SRGAP2C: variants seen among roughly 807,000 people sequenced by gnomAD.
The protein encoded by SRGAP2C is SLIT-ROBO Rho GTPase activating protein 2C.
SRGAP2C carries 15 observed loss-of-function variants against 25.1 expected under a neutral mutation model. The observed-to-expected ratio is 0.60, with a 90% CI of 0.40 to 0.92. The LOEUF is 0.92. Ranked by LOEUF, SRGAP2C falls within the 40% of genes least tolerant of loss-of-function variation. The probability of loss-of-function intolerance (pLI) is 0.00; values close to 1 mark genes in which losing one functional copy is unlikely to be tolerated. For synonymous variants in SRGAP2C, 44 were observed against 96.6 expected, an observed-to-expected ratio of 0.46 and a Z score of 3.19; for missense variants, 144 against 264.4, an observed-to-expected ratio of 0.54 and a Z score of 3.16.
chr1:121,258,272 G>A (rs1386048452), intron 2 of SRGAP2C, among the ~76,000 whole-genome samples: 3 of 151,694 alleles, frequency 2.0e-5, no homozygotes, highest in Admixed American at 6.6e-5. Flanking sequence ...AAACTGAGGA[G>A]TAGATGGATG....
chr1:121,275,713 A>G (rs1553336054), intron 2 of SRGAP2C, among the ~76,000 whole-genome samples: 1 of 150,592 alleles, frequency 6.6e-6, no homozygotes, highest in Non-Finnish European at 1.5e-5. Flanking sequence ...TGGAAAGTTA[A>G]TGGATGACTG....
chr1:121,315,647 A>G (rs1178033507), intron 3 of SRGAP2C, among the ~76,000 whole-genome samples: 41 of 146,876 alleles, frequency 2.8e-4, no homozygotes, highest in African/African-American at 9.9e-4. Flanking sequence ...AAATTTGGTC[A>G]TTCAGTAGCC....
intron 2 of SRGAP2C, among the ~76,000 whole-genome samples, chr1:121,265,278 C>G (rs1284517995): frequency 1.2e-4 from 14 of 114,748 alleles, no homozygotes; most frequent in Non-Finnish European, 2.3e-4. Flanking sequence ...AATGTCATTA[C>G]TTTTATAGAC....
At chr1:121,329,932 T>C in intron 4 of SRGAP2C, among the ~76,000 whole-genome samples, 1 of 151,624 alleles carries the variant, frequency 6.6e-6, no homozygotes, top group East Asian at 1.9e-4. Flanking sequence ...CTGTCTAACC[T>C]CTGTTGGAAC....
At chr1:121,230,955 TG>T (rs2101469822) in intron 2 of SRGAP2C, among the ~76,000 whole-genome samples, 1 of 140,424 alleles carries the variant, frequency 7.1e-6, no homozygotes, top group South Asian at 2.5e-4. Context: ...AAACACCGCA[TG>T]TTCTCACTCA....
At chr1:121,191,031 A>T (rs1453359095) in intron 2 of SRGAP2C, among the ~76,000 whole-genome samples, 12 of 152,040 alleles carry the variant, frequency 7.9e-5, no homozygotes, top group Non-Finnish European at 1.8e-4. Flanking sequence ...CTTCTTAAAA[A>T]CCATCATTGT....
rs1411072272 is a variant in SRGAP2C, at chr1:121,324,503, G to T, written c.286G>T (p.Val96Phe). Residue 96 changes from valine (V) to phenylalanine (F), a missense_variant, in exon 4 of 10, where the codon GTC becomes TTC. Physicochemically the swap from Val to Phe is conservative, Grantham distance 50 (BLOSUM62 -1). Coordinates refer to ENST00000367123, the MANE Select transcript of SRGAP2C (RefSeq NM_001329984.2). ...FKKDQNVLSP[V>F]NCWNLLLNQV... is the part of the protein sequence containing the mutation. ...GAAGGATCAGAATGTTCTCTCTCCA[G>T]TCAACTGCTGGAATCTCCTCTTAAA... The T allele has an allele frequency of 1.1e-5, 17 of 1,613,348 alleles. No individual in the cohort carries two copies. The highest frequency in any genetic ancestry group is 1.1e-5 in the Non-Finnish European group (13 of 1,179,384).
intron 2 of SRGAP2C, among the ~76,000 whole-genome samples, chr1:121,213,760 G>T (rs61803065): frequency 1.8e-4 from 13 of 74,024 alleles, no homozygotes; most frequent in South Asian, 3.3e-4. Flanking sequence ...CTGAAGCAAG[G>T]AGAAAGAACA....
intron 3 of SRGAP2C, among the ~76,000 whole-genome samples, chr1:121,298,181 T>C (rs1269901002): frequency 6.9e-6 from 1 of 144,536 alleles, no homozygotes; most frequent in Non-Finnish European, 1.5e-5. Context: ...AACTCAGCAA[T>C]TGTATGTTTT....
intron 3 of SRGAP2C, among the ~76,000 whole-genome samples, chr1:121,295,515 G>T (rs1466330685): frequency 6.6e-5 from 10 of 151,750 alleles, no homozygotes; most frequent in African/African-American, 1.9e-4. Context: ...CCAGACACAT[G>T]CCAGATACCC....
At chr1:121,350,436 G>A (rs1658872004) in intron 4 of SRGAP2C, among the ~76,000 whole-genome samples, 2 of 149,682 alleles carry the variant, frequency 1.3e-5, no homozygotes, top group South Asian at 4.3e-4. Flanking sequence ...TTAGGCCTAT[G>A]AGGAAATAAG....
At chr1:121,327,862 A>G (rs1658348344) in intron 4 of SRGAP2C, among the ~76,000 whole-genome samples, 1 of 152,038 alleles carries the variant, frequency 6.6e-6, no homozygotes, top group South Asian at 2.1e-4. Flanking sequence ...TCTGCTCTTA[A>G]CTCTGAGACC....
chr1:121,215,790 G>GA (rs1349631236), intron 2 of SRGAP2C, among the ~76,000 whole-genome samples: 1 of 123,732 alleles, frequency 8.1e-6, no homozygotes, highest in East Asian at 2.4e-4. Context: ...GCTGAAGGGG[G>GA]AAAAAATCAC....
chr1:121,255,458 C>T (rs201129089), intron 2 of SRGAP2C, among the ~76,000 whole-genome samples: 4 of 151,820 alleles, frequency 2.6e-5, no homozygotes, highest in South Asian at 2.1e-4. Context: ...CCCTTCATTC[C>T]GTTGATTCTG....
chr1:121,256,537 TTG>T (rs1159602088), intron 2 of SRGAP2C, among the ~76,000 whole-genome samples: 28 of 89,860 alleles, frequency 3.1e-4, no homozygotes, highest in African/African-American at 1.1e-3. Flanking sequence ...CAAGTATTTT[TTG>T]TCTTTCCCCG....
intron 4 of SRGAP2C, among the ~76,000 whole-genome samples, chr1:121,345,215 A>AT (rs1281843954): frequency 3.7e-4 from 47 of 125,434 alleles, no homozygotes; most frequent in African/African-American, 1.2e-3. Flanking sequence ...CTCGGTGAGG[A>AT]TGGGTGTCCC....
chr1:121,296,004 G>A (rs1553338265), intron 3 of SRGAP2C, among the ~76,000 whole-genome samples: 33 of 151,670 alleles, frequency 2.2e-4, no homozygotes, highest in Non-Finnish European at 4.0e-4. Context: ...CAGGTGATCC[G>A]CACACCTTGG....
chr1:121,356,861 T>G (rs1230138221), intron 4 of SRGAP2C, among the ~76,000 whole-genome samples: 3 of 151,526 alleles, frequency 2.0e-5, no homozygotes, highest in Non-Finnish European at 4.4e-5. Context: ...GTTTATTTTC[T>G]TAGTATTAGG....
At position 121,263,453 on chromosome 1, in the gene SRGAP2C, T is replaced by C. The variant is rs1383986761; in HGVS notation, c.68-21350T>C. Among the ~76,000 whole-genome samples the C allele has an allele frequency of 4.4e-5, 6 of 137,822 alleles. 1 individual carries two copies. Among genetic ancestry groups the C allele is most frequent in the Non-Finnish European group, 8.2e-5 (5 of 60,678 alleles). The allele number at this position is 137,822 out of a possible 152,430, so 90.4% of individuals were successfully genotyped here. ...CTCAAAAAAAAAAAAAAAAAAAACT[T>C]CAGTGCTTTTCTTTGTTGGAACCTG... On this transcript the variant is annotated intron_variant, in intron 2 of 9. Transcript: ENST00000367123.
Sources: allele counts gnomAD v4.1 joint callset (sites outside exome capture counted in the v4.1 genomes callset), GRCh38; gene constraint gnomAD v4.1.1; transcripts MANE v1.5; gene names NCBI Gene and HGNC (gene_info 2026-07-23, HGNC 2026-07-21).